FGD5: variants seen among roughly 807,000 people sequenced by gnomAD.
FGD5 encodes FYVE, RhoGEF and PH domain containing 5, also known as FYVE, RhoGEF and PH domain-containing protein 5.
In FGD5, 28 loss-of-function variants were observed where a neutral mutation model predicts 133.4. The ratio of observed to expected loss-of-function variants is 0.21; its 90% CI spans 0.16 to 0.29. The LOEUF is 0.29. FGD5 is among the 10% of genes least tolerant of loss of function. The pLI is 1.00. For synonymous variants in FGD5, 810 were observed against 776.5 expected (o/e 1.04, Z -0.72); for missense variants, 1,858 against 1,895.2 (o/e 0.98, Z 0.36).
At position 14,931,149 on chromosome 3, in the gene FGD5, C is replaced by T. The variant is rs199986041; in HGVS notation, c.4198-1428C>T. 5.3e-5 allele frequency: 8 copies of T among 152,102 alleles called. No individual in the cohort carries two copies. The East Asian group carries it at 1.2e-3, about 22-fold the overall frequency. 9.4% of individuals were successfully genotyped at this position (152,102 alleles called of 1,614,324 possible). ...TAAGGGAAAAGCATTTGGTGTTTCA[C>T]TATTAAGTATGATGTTAGCTGTAGG... On this transcript the variant is annotated intron_variant, in intron 18 of 19. Transcript: ENST00000285046.
chr3:14,810,903 C>T (rs2036282024), intron 1 of FGD5: 1 of 985,196 alleles, frequency 1.0e-6, no homozygotes, highest in South Asian at 4.7e-5. Flanking sequence ...GAGGCACGAG[C>T]GCGAGGGACC....
chr3:14,819,768 T>C lies in FGD5; in HGVS notation c.697T>C (p.Ser233Pro). 1 of 1,546,886 alleles carries C rather than the reference T, an allele frequency of 6.5e-7. No individual in the cohort carries two copies. The change falls in exon 1 of 20, where the codon TCG becomes CCG. Residue 233 changes from serine to proline, a missense_variant. Ser to Pro is a moderately conservative substitution (Grantham distance 74). This residue lies in a region of FGD5 where 1,824 missense variants were observed against 1,848.9 expected (regional missense o/e 0.99). Coordinates refer to ENST00000285046, the MANE Select transcript of FGD5 (RefSeq NM_152536.4). This position sits in a 1 kb window ranked among gnomAD's most constrained non-coding sequence, Gnocchi z 4.1. ...STDPAGADEGSGPDRPTEDMG... is the reference protein window; with the variant it reads ...STDPAGADEGPGPDRPTEDMG... ...AGACCCAGCAGGGGCAGATGAGGGT[T>C]CGGGTCCTGACAGGCCCACGGAGGA...
chr3:14,921,983 C>A lies in FGD5; in HGVS notation c.3635C>A (p.Ala1212Asp), dbSNP rs776786647. ...LSRALPEDYKAQALAAFHHSV... is the reference protein window; with the variant it reads ...LSRALPEDYKDQALAAFHHSV... ...AGAGCCCTCCCTGAGGACTACAAGG[C>A]CCAGGCGCTGGCTGCATTCCACCAT... The change falls in exon 14 of 20, where the codon GCC becomes GAC. Residue 1212 changes from alanine (A) to aspartate (D), a missense_variant. Physicochemically the swap from Ala to Asp is moderately radical, Grantham distance 126 (BLOSUM62 -2). Transcript: ENST00000285046. 1.1e-5 allele frequency: 18 copies of A among 1,568,584 alleles called. No homozygotes were observed. In the Admixed American group the frequency reaches 1.7e-4, roughly 15 times the overall value.
At chr3:14,824,529 A>G (rs1428633760) in intron 1 of FGD5, among the ~76,000 whole-genome samples, 1 of 152,228 alleles carries the variant, frequency 6.6e-6, no homozygotes, top group Non-Finnish European at 1.5e-5. Context: ...AGGGCAGGTC[A>G]GTGCTCCAGA....
chr3:14,898,657 A>G (rs1575241820), intron 6 of FGD5, 82 bp from the exon 7 acceptor site: 1 of 1,111,022 alleles, frequency 9.0e-7, no homozygotes, highest in Non-Finnish European at 1.3e-6. Flanking sequence ...TGTGGATGGG[A>G]CAGTGTATAT....
chr3:14,898,869 A>G, intron 7 of FGD5, 43 bp downstream of exon 7: 1 of 1,529,172 alleles, frequency 6.5e-7, no homozygotes, highest in Non-Finnish European at 8.9e-7. Flanking sequence ...GCGGCAGGGC[A>G]GGGAAGGCCC....
intron 1 of FGD5, among the ~76,000 whole-genome samples, chr3:14,848,268 C>T (rs2037090044): frequency 6.6e-6 from 1 of 152,084 alleles, no homozygotes; most frequent in Non-Finnish European, 1.5e-5. Flanking sequence ...CTGCCCTTCC[C>T]CGCGCCTCTT....
intron 13 of FGD5, among the ~76,000 whole-genome samples, chr3:14,920,099 G>C (rs2038645171): frequency 1.3e-5 from 2 of 151,984 alleles, no homozygotes; most frequent in African/African-American, 4.8e-5. Context: ...CTTCTTTCAG[G>C]GCAAGGTAAG....
chr3:14,912,976 C>G (rs559128677), intron 11 of FGD5, among the ~76,000 whole-genome samples: 6 of 152,130 alleles, frequency 3.9e-5, no homozygotes, highest in South Asian at 2.1e-4. Flanking sequence ...GTGGGGGTTG[C>G]AGTGAGCTCA....
chr3:14,889,017 G>A (rs1295581567), intron 4 of FGD5, among the ~76,000 whole-genome samples: 2 of 152,174 alleles, frequency 1.3e-5, no homozygotes, highest in Non-Finnish European at 2.9e-5. Flanking sequence ...CTCAAATTGG[G>A]GAACCATTGT....
chr3:14,894,589 C>T (rs192058856), intron 4 of FGD5, among the ~76,000 whole-genome samples: 42 of 149,288 alleles, frequency 2.8e-4, no homozygotes, highest in Admixed American at 9.4e-4. Flanking sequence ...AATCATGGCT[C>T]ACTGCAGGAT....
intron 1 of FGD5, among the ~76,000 whole-genome samples, chr3:14,862,307 T>C (rs2037414996): frequency 6.6e-6 from 1 of 152,176 alleles, no homozygotes; most frequent in Non-Finnish European, 1.5e-5. Flanking sequence ...CCAAGTCTGC[T>C]GGAAAAAGGG....
Position 14,897,935 on chromosome 3 carries a change from G to T in FGD5, c.2910-4G>T, listed in dbSNP as rs763278016. 3 of 1,613,918 alleles carry T rather than the reference G, an allele frequency of 1.9e-6. No individual in the cohort carries two copies. The highest frequency in any genetic ancestry group is 1.1e-5 in the South Asian group (1 of 91,080). On this transcript the variant is annotated splice_region_variant and splice_polypyrimidine_tract_variant and intron_variant, in intron 5 of 19. Transcript: ENST00000285046. ...CACTGTCCCATCCCCATTCCTGGCT[G>T]CAGGGAGAGCCAGCAGAAGGTAGCT...
chr3:14,901,397 A>G (rs2038237402), intron 9 of FGD5, among the ~76,000 whole-genome samples: 1 of 152,226 alleles, frequency 6.6e-6, no homozygotes, highest in South Asian at 2.1e-4. Context: ...TGCATGTAGG[A>G]TCTAGAGAGC....
In FGD5 at chr3:14,898,738, G is replaced by A. The variant is rs200982279; in HGVS notation, c.3067-1G>A. Reference sequence around the variant, plus strand: ...TTTTTCCTTCCCTGTCTTGAGAGCAGCAGAGTGTACAAGGAGGCAGCCAGA... The same window carrying A: ...TTTTTCCTTCCCTGTCTTGAGAGCAACAGAGTGTACAAGGAGGCAGCCAGA... On this transcript the variant is annotated splice_acceptor_variant, in intron 6 of 19. Transcript: ENST00000285046. LOFTEE classifies it high-confidence loss of function. 5.1e-6 allele frequency: 8 copies of A among 1,578,910 alleles called. No homozygotes were observed. The highest frequency in any genetic ancestry group is 6.9e-6 in the Non-Finnish European group (8 of 1,162,738).
At chr3:14,835,025 C>T (rs1395192445) in intron 1 of FGD5, among the ~76,000 whole-genome samples, 1 of 152,192 alleles carries the variant, frequency 6.6e-6, no homozygotes, top group East Asian at 1.9e-4. Context: ...CATCACATGG[C>T]AGAGGAGGCA....
Position 14,893,698 on chromosome 3 carries a change from C to T in FGD5, c.2749-3811C>T, listed in dbSNP as rs191209293. ...GTCCATTATCGTAAACTATAGTTGC[C>T]GTACTGATTTATCTAATATTCGGTC... On this transcript the variant is annotated intron_variant, in intron 4 of 19. Transcript: ENST00000285046. Among the ~76,000 whole-genome samples the T allele has an allele frequency of 2.1e-4, 32 of 151,086 alleles. No individual in the cohort carries two copies. The East Asian group carries it at 2.1e-3, about 10-fold the overall frequency.
In FGD5 at chr3:14,923,189, C is replaced by G; in HGVS notation, c.3937+14C>G. 1 of 1,607,782 alleles carries G rather than the reference C, an allele frequency of 6.2e-7. No homozygotes were observed. The highest frequency in any genetic ancestry group is 1.1e-5 in the South Asian group (1 of 90,390). Reference sequence around the variant, plus strand: ...GCCTGATGAGAGGTAACCTGGGGACCACTTGCCTTCTTCCAAGTGGCCTGG... The same window carrying G: ...GCCTGATGAGAGGTAACCTGGGGACGACTTGCCTTCTTCCAAGTGGCCTGG... On this transcript the variant is annotated intron_variant, in intron 16 of 19. Coordinates refer to ENST00000285046, the MANE Select transcript of FGD5 (RefSeq NM_152536.4).
intron 1 of FGD5, among the ~76,000 whole-genome samples, chr3:14,813,184 G>T (rs2036318616): frequency 6.6e-6 from 1 of 151,332 alleles, no homozygotes; most frequent in Non-Finnish European, 1.5e-5. Flanking sequence ...ACGGCCCTAT[G>T]AAAAAAAAGG....
Sources: gnomAD v4.1 joint callset for allele counts (sites outside exome capture counted in the v4.1 genomes callset) on GRCh38, gnomAD v4.1.1 for gene constraint, gnomAD v4.1.1 regional missense constraint, Gnocchi (gnomAD v3.1) non-coding constraint, MANE v1.5 for transcripts, NCBI Gene and HGNC (gene_info 2026-07-23, HGNC 2026-07-21) for gene names.